The following SNTG2 variants were observed in gnomAD, a reference collection of about 807,000 sequenced individuals.
SNTG2 encodes the protein syntrophin gamma 2, also known as gamma-2-syntrophin.
Under a neutral mutation model 70.9 loss-of-function variants are expected in SNTG2, and 74 were observed. That is an observed-to-expected ratio of 1.04 (90% CI 0.86 to 1.27). The LOEUF (loss-of-function observed/expected upper bound fraction) is 1.27, where lower values mean the gene tolerates loss of function less well. Among genes scored for constraint, SNTG2 ranks in the 50% most tolerant of loss-of-function variants. SNTG2 has a pLI of 0.00. For missense variants in SNTG2, 717 were observed against 690.7 expected (o/e 1.04, Z -0.43); for synonymous variants, 278 against 273.8 (o/e 1.02, Z -0.15).
At chr2:1,174,399 G>A (rs1374677193) in intron 8 of SNTG2, among the ~76,000 whole-genome samples, 2 of 152,052 alleles carry the variant, frequency 1.3e-5, no homozygotes, top group Non-Finnish European at 2.9e-5. Flanking sequence ...TTGTTTCTGT[G>A]AGGTTTTTTG....
intron 16 of SNTG2, among the ~76,000 whole-genome samples, chr2:1,332,265 C>T (rs1191301865): frequency 1.3e-5 from 2 of 152,182 alleles, no homozygotes; most frequent in East Asian, 1.9e-4. Context: ...ACAAACAGAA[C>T]TTACTATAAT....
At chr2:1,079,450 G>A (rs187392914) in intron 1 of SNTG2, among the ~76,000 whole-genome samples, 31 of 147,530 alleles carry the variant, frequency 2.1e-4, no homozygotes, top group Middle Eastern at 7.1e-3. Context: ...ATCTGGTTGT[G>A]TTCCTGACTT....
At chr2:1,130,318 A>C (rs902766070) in intron 4 of SNTG2, among the ~76,000 whole-genome samples, 1 of 152,224 alleles carries the variant, frequency 6.6e-6, no homozygotes, top group Non-Finnish European at 1.5e-5. Flanking sequence ...CTCACAGTTT[A>C]AAAATAGCAA....
chr2:1,270,619 T>C (rs1010425257), intron 14 of SNTG2, among the ~76,000 whole-genome samples: 3 of 152,204 alleles, frequency 2.0e-5, no homozygotes, highest in Non-Finnish European at 4.4e-5. Context: ...TGCTGAAACA[T>C]TCAGCCTCAC....
At chr2:1,104,128 A>T (rs1040863928) in intron 4 of SNTG2, among the ~76,000 whole-genome samples, 5 of 152,234 alleles carry the variant, frequency 3.3e-5, no homozygotes, top group African/African-American at 7.2e-5. Flanking sequence ...CAGACATGCA[A>T]ATGGCAGAGC....
At chr2:1,219,906 A>G (rs1042159890) in intron 9 of SNTG2, 7 of 152,218 alleles carry the variant, frequency 4.6e-5, no homozygotes, top group African/African-American at 1.4e-4. Flanking sequence ...TCAGAAGAAG[A>G]AGGCAGATGG....
chr2:1,274,298 C>T (rs1679181555), intron 14 of SNTG2, among the ~76,000 whole-genome samples: 1 of 152,196 alleles, frequency 6.6e-6, no homozygotes, highest in African/African-American at 2.4e-5. Context: ...CTCATAACAG[C>T]TTCATTTGTA....
intron 16 of SNTG2, among the ~76,000 whole-genome samples, chr2:1,326,035 GT>G (rs1404283657): frequency 1.3e-5 from 2 of 152,026 alleles, no homozygotes; most frequent in Admixed American, 6.5e-5. Context: ...GTTTCACCAT[GT>G]TGGCAAGGAT....
chr2:965,549 C>T (rs1467302581), intron 1 of SNTG2, among the ~76,000 whole-genome samples: 3 of 144,960 alleles, frequency 2.1e-5, no homozygotes, highest in Non-Finnish European at 2.9e-5. Flanking sequence ...CCTCCTTGAC[C>T]CCCTGGTCCT....
At chr2:1,046,419 T>C (rs1015721408) in intron 1 of SNTG2, among the ~76,000 whole-genome samples, 4 of 152,168 alleles carry the variant, frequency 2.6e-5, no homozygotes, top group African/African-American at 4.8e-5. Flanking sequence ...GTAGTTGTTA[T>C]GTAGATTTGA....
At chr2:1,255,970 A>C (rs905286865) in intron 12 of SNTG2, among the ~76,000 whole-genome samples, 4 of 145,430 alleles carry the variant, frequency 2.8e-5, no homozygotes, top group Non-Finnish European at 6.0e-5. Flanking sequence ...GTTAATACAC[A>C]TACGTATGTA....
At chr2:1,243,785 G>A (rs754157633) in intron 11 of SNTG2, among the ~76,000 whole-genome samples, 4 of 152,230 alleles carry the variant, frequency 2.6e-5, no homozygotes, top group Admixed American at 2.0e-4. Context: ...TTTAAAAAAT[G>A]AGGGAGCCGA....
At chr2:1,224,451 C>T (rs891667752) in intron 9 of SNTG2, among the ~76,000 whole-genome samples, 5 of 152,202 alleles carry the variant, frequency 3.3e-5, no homozygotes, top group African/African-American at 9.7e-5. Context: ...CTCCTCATCC[C>T]CCTCTCGCCT....
At chr2:1,101,012 A>T (rs1258840789) in intron 4 of SNTG2, among the ~76,000 whole-genome samples, 1 of 152,182 alleles carries the variant, frequency 6.6e-6, no homozygotes, top group Non-Finnish European at 1.5e-5. Context: ...GAGTGTGGTC[A>T]GGAGAAACTG....
At chr2:1,074,449 C>A (rs1558369080) in intron 1 of SNTG2, among the ~76,000 whole-genome samples, 1 of 152,120 alleles carries the variant, frequency 6.6e-6, no homozygotes. Flanking sequence ...TTTATAAAAT[C>A]TTAATTAAAA....
At chr2:1,228,772 T>C (rs1453033510) in intron 9 of SNTG2, among the ~76,000 whole-genome samples, 4 of 152,364 alleles carry the variant, frequency 2.6e-5, no homozygotes, top group East Asian at 3.9e-4. Flanking sequence ...TTGGTCTCAC[T>C]GACTTCAAGA....
At chr2:978,913 AT>A (rs1430686355) in intron 1 of SNTG2, among the ~76,000 whole-genome samples, 1 of 152,216 alleles carries the variant, frequency 6.6e-6, no homozygotes, top group Non-Finnish European at 1.5e-5. Flanking sequence ...CCTGTTGATA[AT>A]TTTAAGTCAG....
intron 9 of SNTG2, among the ~76,000 whole-genome samples, chr2:1,233,860 C>T (rs1676427738): frequency 1.3e-5 from 2 of 151,836 alleles, no homozygotes; most frequent in South Asian, 2.1e-4. Flanking sequence ...TTGACTTCCC[C>T]ATGGATGGCG....
chr2:1,043,919 T>G (rs1465628331), intron 1 of SNTG2, among the ~76,000 whole-genome samples: 1 of 152,202 alleles, frequency 6.6e-6, no homozygotes, highest in Non-Finnish European at 1.5e-5. Flanking sequence ...TCCTATGAAT[T>G]TTATAATTGG....
Sources: allele counts gnomAD v4.1 joint callset (sites outside exome capture counted in the v4.1 genomes callset), GRCh38; gene constraint gnomAD v4.1.1; transcripts MANE v1.5; gene names NCBI Gene and HGNC (gene_info 2026-07-23, HGNC 2026-07-21).